BTG4: variants seen among roughly 807,000 people sequenced by gnomAD.
BTG4 encodes protein BTG4.
A neutral mutation model predicts 19.3 loss-of-function variants in BTG4; 10 were observed. The observed-to-expected ratio is 0.52, with a 90% CI of 0.32 to 0.88. The LOEUF is 0.88. Ranked by LOEUF, BTG4 falls within the 40% of genes least tolerant of loss-of-function variation. BTG4 has a pLI of 0.04. For synonymous variants in BTG4, 91 were observed against 95.7 expected, an observed-to-expected ratio of 0.95 and a Z score of 0.29; for missense variants, 238 against 281.9, an observed-to-expected ratio of 0.84 and a Z score of 1.11.
intron 5 of BTG4, chr11:111,473,157 A>G (rs1864177408): frequency 6.6e-6 from 1 of 151,958 alleles, no homozygotes; most frequent in African/African-American, 2.4e-5. Context: ...TCTGCTAACC[A>G]CCCCCTATGA....
At chr11:111,507,492 T>C (rs956415506) in intron 1 of BTG4, among the ~76,000 whole-genome samples, 3 of 152,112 alleles carry the variant, frequency 2.0e-5, no homozygotes, top group African/African-American at 7.2e-5. Flanking sequence ...AGAAGATCAT[T>C]GATCCTTCAT....
Position 111,482,255 on chromosome 11 carries a change from TA to T in BTG4, c.662+12907del, listed in dbSNP as rs551317018. The stretch of plus-strand genomic sequence containing the variant: ...GATCAAAAAATGAAATTCTTAGATA[TA>T]AATCTAAAAATCATGTACAAGAGTT... On this transcript the variant is annotated intron_variant, in intron 5 of 5. Coordinates refer to the BTG4 transcript ENST00000356018. Among the ~76,000 whole-genome samples the T allele has an allele frequency of 5.5e-4, 83 of 152,178 alleles. 2 individuals are homozygous for T. Among genetic ancestry groups the T allele is most frequent in the African/African-American group, 1.8e-3 (75 of 41,558 alleles).
At chr11:111,481,270 T>C (rs1166384066) in intron 5 of BTG4, among the ~76,000 whole-genome samples, 1 of 151,848 alleles carries the variant, frequency 6.6e-6, no homozygotes, top group Non-Finnish European at 1.5e-5. Context: ...CCTAAAACTA[T>C]TAAGGAAATT....
At chr11:111,453,349 G>A in the BTG4 span, 1 of 404,856 alleles carries the variant, frequency 2.5e-6, no homozygotes, top group Admixed American at 2.6e-5. Flanking sequence ...GAGTCTTCAG[G>A]AAGGATGCTG....
Position 111,494,876 on chromosome 11 carries a change from G to GA in BTG4, c.*258dup. 2.0e-6 allele frequency: 2 copies of GA among 982,844 alleles called. No homozygotes were observed. Among genetic ancestry groups the GA allele is most frequent in the Non-Finnish European group, 2.4e-6 (2 of 827,648 alleles). The allele number at this position is 982,844 out of a possible 1,614,324, so 60.9% of individuals were successfully genotyped here. A position where few individuals can be genotyped will look rare whatever the true frequency, so the allele number is the denominator to read the frequency against. On this transcript the variant is annotated 3_prime_UTR_variant, in exon 5 of 5. Coordinates refer to ENST00000692032, the MANE Select transcript of BTG4 (RefSeq NM_001367975.1). Reference sequence around the variant, plus strand: ...TTTCATAATTCATTGAGTCTTATTAGAGGTCAACATCTTCATTCTGTTACC... The same window carrying GA: ...TTTCATAATTCATTGAGTCTTATTAGAAGGTCAACATCTTCATTCTGTTACC...
chr11:111,389,497 C>T, the BTG4 span, among the ~76,000 whole-genome samples: 3 of 152,206 alleles, frequency 2.0e-5, no homozygotes, highest in African/African-American at 7.2e-5. Flanking sequence ...TAAGCCTGGC[C>T]TCAGTGAACC....
chr11:111,491,846 T>C (rs1033359904), downstream of BTG4, among the ~76,000 whole-genome samples: 5 of 152,150 alleles, frequency 3.3e-5, no homozygotes, highest in Non-Finnish European at 1.5e-5. Context: ...TTGGTTATTA[T>C]ACAAATAGAC....
chr11:111,480,153 T>C lies in BTG4; in HGVS notation c.663-12472A>G, dbSNP rs917503750. On this transcript the variant is annotated intron_variant, in intron 5 of 5. Transcript: ENST00000356018. ...TGAAAATAAAAAGATCAAAAATAGA[T>C]ACTATGCAAACATTAATCAAAAGAA... 2.6e-4 allele frequency among the ~76,000 whole-genome samples: 40 copies of C among 151,964 alleles called. 1 individual carries two copies. The highest frequency in any genetic ancestry group is 2.2e-4 in the Non-Finnish European group (15 of 67,956).
intron 5 of BTG4, among the ~76,000 whole-genome samples, chr11:111,478,625 A>C (rs1864540729): frequency 6.6e-6 from 1 of 152,156 alleles, no homozygotes; most frequent in South Asian, 2.1e-4. Flanking sequence ...GAAACAAATG[A>C]GATAAGTCTC....
At chr11:111,444,164 C>T in the BTG4 span, among the ~76,000 whole-genome samples, 2 of 150,954 alleles carry the variant, frequency 1.3e-5, no homozygotes, top group African/African-American at 4.9e-5. Context: ...GTAATTAATT[C>T]AAACCACTAC....
the BTG4 span, among the ~76,000 whole-genome samples, chr11:111,436,856 G>A: frequency 5.9e-5 from 9 of 152,110 alleles, no homozygotes; most frequent in Non-Finnish European, 1.3e-4. Flanking sequence ...GAGAGTTTCC[G>A]TTGGCTCGCG....
At chr11:111,476,137 C>CACACACAG (rs1341227212) in intron 5 of BTG4, among the ~76,000 whole-genome samples, 1 of 150,936 alleles carries the variant, frequency 6.6e-6, no homozygotes, top group Non-Finnish European at 1.5e-5. Context: ...AGAATAGATA[C>CACACACAG]ACACACACAC....
chr11:111,438,950 A>G, the BTG4 span, among the ~76,000 whole-genome samples: 2 of 152,126 alleles, frequency 1.3e-5, no homozygotes, highest in Non-Finnish European at 2.9e-5. Flanking sequence ...CATTAAACAT[A>G]TTTTCAAATC....
chr11:111,406,214 T>C, the BTG4 span, among the ~76,000 whole-genome samples: 1 of 152,244 alleles, frequency 6.6e-6, no homozygotes, highest in Non-Finnish European at 1.5e-5. Context: ...TGGGCTCAAG[T>C]GATCATTCTC....
chr11:111,443,705 C>A, the BTG4 span, among the ~76,000 whole-genome samples: 1 of 152,174 alleles, frequency 6.6e-6, no homozygotes, highest in Non-Finnish European at 1.5e-5. Context: ...ATCCCGGGGG[C>A]ACTGCCAGGG....
At chr11:111,392,179 T>C in the BTG4 span, among the ~76,000 whole-genome samples, 2 of 116,312 alleles carry the variant, frequency 1.7e-5, no homozygotes, top group African/African-American at 3.3e-5. Context: ...CTTTTTTTTT[T>C]TTTTTTTTTT....
upstream of BTG4, chr11:111,513,058 C>A: frequency 4.4e-6 from 2 of 455,924 alleles, no homozygotes; most frequent in Non-Finnish European, 9.3e-6. Context: ...AAGACGCCGG[C>A]TCGGGCAGCC....
chr11:111,491,637 G>A (rs1329980625), downstream of BTG4, among the ~76,000 whole-genome samples: 1 of 150,654 alleles, frequency 6.6e-6, no homozygotes, highest in Non-Finnish European at 1.5e-5. Context: ...TCAGGAGGCT[G>A]AGGCAAGAGG....
At chr11:111,450,109 G>A in the BTG4 span, 1 of 152,212 alleles carries the variant, frequency 6.6e-6, no homozygotes, top group African/African-American at 2.4e-5. Context: ...TTGAATAAGA[G>A]GTCATTGTGT....
Sources: gnomAD v4.1 joint callset for allele counts (sites outside exome capture counted in the v4.1 genomes callset) on GRCh38, gnomAD v4.1.1 for gene constraint, MANE v1.5 for transcripts, NCBI Gene and HGNC (gene_info 2026-07-23, HGNC 2026-07-21) for gene names.